Variants in TMEM168 observed in about 807,000 individuals in gnomAD.
The protein encoded by TMEM168 is transmembrane protein 168.
TMEM168 carries 40 observed loss-of-function variants against 53.2 expected under a neutral mutation model. The ratio of observed to expected loss-of-function variants is 0.75; its 90% CI spans 0.58 to 0.98. The LOEUF (loss-of-function observed/expected upper bound fraction) is 0.98, where lower values mean the gene tolerates loss of function less well. Ranked by LOEUF, TMEM168 falls within the 50% of genes least tolerant of loss-of-function variation. TMEM168 has a pLI of 0.00. For synonymous variants in TMEM168, 282 were observed against 293.0 expected (o/e 0.96, Z 0.38); for missense variants, 771 against 828.8 (o/e 0.93, Z 0.86).
chr7:112,777,161 A>G (rs1421058554), intron 2 of TMEM168, among the ~76,000 whole-genome samples: 4 of 152,142 alleles, frequency 2.6e-5, no homozygotes, highest in Non-Finnish European at 5.9e-5. Flanking sequence ...CTTAATTATA[A>G]TATAGTCACT....
intron 2 of TMEM168, among the ~76,000 whole-genome samples, chr7:112,779,000 C>A (rs1584445721): frequency 1.3e-5 from 2 of 152,182 alleles, no homozygotes; most frequent in East Asian, 3.9e-4. Flanking sequence ...GTGATCCTAC[C>A]ACCTCAGCCA....
chr7:112,790,090 G>C (rs903476365), intron 1 of TMEM168, 70 bp downstream of exon 1: 3 of 152,270 alleles, frequency 2.0e-5, no homozygotes, highest in Admixed American at 6.5e-5. Flanking sequence ...TTGGGGTCCG[G>C]ACCACGCGGA....
rs1792730583 is a variant in TMEM168 at position 112,764,654 on chromosome 7, C to T, written c.*2543G>A. 1 of 151,680 alleles carries T rather than the reference C, an allele frequency of 6.6e-6. No individual in the cohort carries two copies. The allele number at this position is 151,680 out of a possible 1,614,324, so 9.4% of individuals were successfully genotyped here. Reference sequence around the variant, plus strand: ...TAGATGGGACTACAGGCGTGCACCACCACGCCCAGCTGATTTTTTTATTTT... The same window carrying T: ...TAGATGGGACTACAGGCGTGCACCATCACGCCCAGCTGATTTTTTTATTTT... On this transcript the variant is annotated 3_prime_UTR_variant, in exon 5 of 5. Coordinates refer to ENST00000312814, the MANE Select transcript of TMEM168 (RefSeq NM_022484.6).
chr7:112,778,970 C>T (rs534694968), intron 2 of TMEM168, among the ~76,000 whole-genome samples: 58 of 152,242 alleles, frequency 3.8e-4, no homozygotes, highest in African/African-American at 1.3e-3. Flanking sequence ...TTCACTGCAG[C>T]CTTGACCTCT....
intron 2 of TMEM168, among the ~76,000 whole-genome samples, chr7:112,782,489 G>A (rs1483194081): frequency 1.3e-5 from 2 of 152,094 alleles, no homozygotes; most frequent in Non-Finnish European, 2.9e-5. Context: ...GGAAGAGGGA[G>A]GAAAACTCAT....
chr7:112,776,274 C>G (rs1396743436), intron 2 of TMEM168, among the ~76,000 whole-genome samples: 1 of 151,496 alleles, frequency 6.6e-6, no homozygotes, highest in African/African-American at 2.4e-5. Context: ...ATTGTAAAAG[C>G]AGAATGGAAA....
rs1382561118 is a variant in TMEM168, at chr7:112,762,417, AT to A, written c.*4779del. 7 of 152,070 alleles carry A rather than the reference AT, an allele frequency of 4.6e-5. No homozygotes were observed. The highest frequency in any genetic ancestry group is 4.6e-4 in the Admixed American group (7 of 15,266). 9.4% of individuals were successfully genotyped at this position (152,070 alleles called of 1,614,324 possible). A position where few individuals can be genotyped will look rare whatever the true frequency, so the allele number is the denominator to read the frequency against. ...CATTGGTATGTGTTTTAATATAAAA[AT>A]ATTTTTGAACTTAGAAAAGTTTACT... is the stretch of plus-strand genomic sequence containing the variant. On this transcript the variant is annotated 3_prime_UTR_variant, in exon 5 of 5. Coordinates refer to ENST00000312814, the MANE Select transcript of TMEM168 (RefSeq NM_022484.6).
At chr7:112,783,320 A>G (rs1447137263) in intron 2 of TMEM168, among the ~76,000 whole-genome samples, 1 of 152,216 alleles carries the variant, frequency 6.6e-6, no homozygotes, top group Non-Finnish European at 1.5e-5. Flanking sequence ...TGCTAGTACT[A>G]GTGACTCTGG....
chr7:112,784,058 CA>C lies in TMEM168; in HGVS notation c.767del (p.Leu256CysfsTer17). ...LSVTERWKPF[L>X]YRGRICRRLS... ...GTCTTCTGCAAATTCTTCCACGGTA[CA>C]AAAAGGGTTTCCATCTTTCAGTTAC... On this transcript the variant is annotated frameshift_variant, in exon 2 of 5. Coordinates refer to ENST00000312814, the MANE Select transcript of TMEM168 (RefSeq NM_022484.6). LOFTEE classifies it high-confidence loss of function. 3.1e-6 allele frequency: 5 copies of C among 1,611,820 alleles called. No homozygotes were observed. The highest frequency in any genetic ancestry group is 4.2e-6 in the Non-Finnish European group (5 of 1,179,486).
At chr7:112,782,751 C>T (rs1424899514) in intron 2 of TMEM168, among the ~76,000 whole-genome samples, 1 of 152,176 alleles carries the variant, frequency 6.6e-6, no homozygotes, top group Non-Finnish European at 1.5e-5. Flanking sequence ...AAGCAGAGAG[C>T]TGCACCAAGC....
intron 2 of TMEM168, among the ~76,000 whole-genome samples, chr7:112,776,550 T>C (rs1793089206): frequency 6.6e-6 from 1 of 152,022 alleles, no homozygotes; most frequent in Non-Finnish European, 1.5e-5. Flanking sequence ...AAAATGAATA[T>C]ACTGCCCTAT....
chr7:112,778,656 T>C (rs532370483), intron 2 of TMEM168: 3 of 152,320 alleles, frequency 2.0e-5, no homozygotes, highest in African/African-American at 4.8e-5. Flanking sequence ...TAAAGTTCAA[T>C]TGTCAATCAA....
chr7:112,779,713 T>A (rs140724947), intron 2 of TMEM168, among the ~76,000 whole-genome samples: 21 of 152,340 alleles, frequency 1.4e-4, no homozygotes, highest in African/African-American at 4.8e-4. Flanking sequence ...AGTTATTAGA[T>A]CTCTATTCAG....
Position 112,784,024 on chromosome 7 carries a change from C to G in TMEM168, c.802G>C (p.Val268Leu). 1 of 1,613,082 alleles carries G rather than the reference C, an allele frequency of 6.2e-7. No homozygotes were observed. The highest frequency in any genetic ancestry group is 8.5e-7 in the Non-Finnish European group (1 of 1,179,840). Residue 268 changes from valine (V) to leucine (L), a missense_variant, in exon 2 of 5, where the codon GTT (valine) becomes CTT (leucine). Transcript: ENST00000312814. ...RGRICRRLSV[V>L]FAGMIELTFF... ...GTAAGCTCAATCATTCCAGCAAAAA[C>G]GACTGAAAGTCTTCTGCAAATTCTT...
At position 112,783,709 on chromosome 7, in the gene TMEM168, C is replaced by T. The variant is rs375844879; in HGVS notation, c.1117G>A (p.Val373Ile). ...SLLATAILGA[V>I]SWQPTNGIFL... ...AACAATAAGCTTACCTGCCAGGAAA[C>T]TGCTCCCAAAATCGCTGTTGCAAGA... The change falls in exon 2 of 5, where the codon GTT becomes ATT. Residue 373 changes from valine (V) to isoleucine (I), a missense_variant. Val to Ile is a conservative substitution (Grantham distance 29). Transcript: ENST00000312814. 1.3e-6 allele frequency: 2 copies of T among 1,496,960 alleles called. No homozygotes were observed. Among genetic ancestry groups the T allele is most frequent in the African/African-American group, 2.8e-5 (2 of 70,428 alleles). The allele number at this position is 1,496,960 out of a possible 1,614,324, so 92.7% of individuals were successfully genotyped here.
rs1386046945 is a variant in TMEM168, at chr7:112,784,152, G to A, written c.674C>T (p.Ala225Val). Residue 225 changes from alanine (A) to valine (V), a missense_variant, in exon 2 of 5, where the codon GCT (alanine) becomes GTT (valine). By Grantham distance (64) the Ala-to-Val change is moderately conservative. Coordinates refer to ENST00000312814, the MANE Select transcript of TMEM168 (RefSeq NM_022484.6). ...SSLETPKNPI[A>V]FACFFICLIT... is the part of the protein sequence containing the mutation. ...CAGGCAAATAAAAAAACACGCAAAA[G>A]CAATCGGATTTTTGGGAGTTTCCAA... The A allele has an allele frequency of 1.2e-6, 2 of 1,613,790 alleles. No homozygotes were observed. Among genetic ancestry groups the A allele is most frequent in the Non-Finnish European group, 1.7e-6 (2 of 1,179,982 alleles).
intron 3 of TMEM168, among the ~76,000 whole-genome samples, chr7:112,773,951 C>G (rs1342683356): frequency 6.6e-6 from 1 of 152,192 alleles, no homozygotes; most frequent in Non-Finnish European, 1.5e-5. Flanking sequence ...TCATTTCTCA[C>G]TTTATGTGAC....
At chr7:112,768,132 T>C (rs1261467053) in intron 4 of TMEM168, among the ~76,000 whole-genome samples, 2 of 152,206 alleles carry the variant, frequency 1.3e-5, no homozygotes, top group African/African-American at 4.8e-5. Context: ...CCTCTTTTTG[T>C]ATGGCCTGAA....
intron 3 of TMEM168, among the ~76,000 whole-genome samples, chr7:112,773,277 C>A (rs547812504): frequency 6.6e-6 from 1 of 152,094 alleles, no homozygotes; most frequent in South Asian, 2.1e-4. Context: ...AAACAATAAT[C>A]AAATTAAAAG....
Sources: gnomAD v4.1 joint callset for allele counts (sites outside exome capture counted in the v4.1 genomes callset) on GRCh38, gnomAD v4.1.1 for gene constraint, MANE v1.5 for transcripts, NCBI Gene and HGNC (gene_info 2026-07-23, HGNC 2026-07-21) for gene names.